The following ASB3 variants were observed in gnomAD, a reference collection of about 807,000 sequenced individuals.
The protein encoded by ASB3 is ankyrin repeat and SOCS box protein 3.
Under a neutral mutation model 54.5 loss-of-function variants are expected in ASB3, and 41 were observed. The observed-to-expected ratio is 0.75, with a 90% CI of 0.59 to 0.98. The LOEUF is 0.98. Among genes scored for constraint, ASB3 ranks in the 50% least tolerant of loss-of-function variants. ASB3 has a pLI of 0.00. For missense variants in ASB3, 733 were observed against 620.0 expected, an observed-to-expected ratio of 1.18 and a Z score of -1.94; for synonymous variants, 266 against 221.2, an observed-to-expected ratio of 1.20 and a Z score of -1.80.
intron 1 of ASB3, among the ~76,000 whole-genome samples, chr2:53,782,966 C>T (rs1286547669): frequency 6.6e-6 from 1 of 151,892 alleles, no homozygotes; most frequent in East Asian, 1.9e-4. Context: ...TTTTTATTTT[C>T]GGAGAGACAG....
At chr2:53,779,998 T>TG (rs1674554874) in intron 1 of ASB3, among the ~76,000 whole-genome samples, 1 of 152,152 alleles carries the variant, frequency 6.6e-6, no homozygotes, top group African/African-American at 2.4e-5. Flanking sequence ...AAAGGTTACA[T>TG]GCTGAAAGAT....
intron 1 of ASB3, chr2:53,773,998 G>A: frequency 7.8e-6 from 7 of 895,128 alleles, no homozygotes; most frequent in Non-Finnish European, 1.2e-5. Context: ...TCGTGCCACT[G>A]CACCACAGCC....
intron 7 of ASB3, among the ~76,000 whole-genome samples, chr2:53,706,188 T>C (rs112991997): frequency 0.011 from 1,702 of 152,350 alleles, 20 homozygotes; most frequent in Non-Finnish European, 0.017. Context: ...ACAGCCATTA[T>C]ACATCTGTGA....
rs140719122 is a variant in ASB3 at position 53,747,958 on chromosome 2, T to C, written c.355+2825A>G. On this transcript the variant is annotated intron_variant, in intron 3 of 9. Coordinates refer to ENST00000263634, the MANE Select transcript of ASB3 (RefSeq NM_016115.5). Reference sequence around the variant, plus strand: ...AAACCTTTTGTCAATAAACATGTTTTTAATAGTTCACTGAATCAGTTTTCT... The same window carrying C: ...AAACCTTTTGTCAATAAACATGTTTCTAATAGTTCACTGAATCAGTTTTCT... 6.2e-4 allele frequency among the ~76,000 whole-genome samples: 95 copies of C among 152,326 alleles called. No homozygotes were observed. The East Asian group carries it at 0.014, about 23-fold the overall frequency.
intron 2 of ASB3, among the ~76,000 whole-genome samples, chr2:53,754,021 G>A (rs1672677560): frequency 6.6e-6 from 1 of 151,986 alleles, no homozygotes; most frequent in Admixed American, 6.6e-5. Flanking sequence ...AGGCTGAGGT[G>A]GGAAACATAC....
chr2:53,679,742 A>T (rs1199526225), intron 9 of ASB3, among the ~76,000 whole-genome samples: 1 of 152,050 alleles, frequency 6.6e-6, no homozygotes, highest in Non-Finnish European at 1.5e-5. Context: ...CATTCACATA[A>T]TTTTTTTAAA....
chr2:53,707,632 G>C (rs1199778647), intron 7 of ASB3, among the ~76,000 whole-genome samples: 2 of 147,930 alleles, frequency 1.4e-5, no homozygotes, highest in African/African-American at 5.0e-5. Context: ...GGGCGACACA[G>C]CGAGACTCCG....
chr2:53,690,236 C>A (rs928079242), intron 9 of ASB3, among the ~76,000 whole-genome samples: 4 of 151,560 alleles, frequency 2.6e-5, no homozygotes, highest in African/African-American at 9.7e-5. Context: ...ACCCTGTCCC[C>A]CCAAATAAAT....
intron 9 of ASB3, among the ~76,000 whole-genome samples, chr2:53,683,096 T>C (rs1668462075): frequency 6.6e-6 from 1 of 152,118 alleles, no homozygotes; most frequent in Admixed American, 6.5e-5. Context: ...CCTTTCACTA[T>C]GATATGAGCT....
intron 7 of ASB3, among the ~76,000 whole-genome samples, chr2:53,711,641 G>A (rs754978285): frequency 8.5e-5 from 13 of 152,082 alleles, no homozygotes; most frequent in Non-Finnish European, 1.5e-4. Flanking sequence ...GAGCATGGTG[G>A]CACATGCCTA....
chr2:53,769,309 G>C (rs1673723612), intron 1 of ASB3, among the ~76,000 whole-genome samples: 1 of 152,214 alleles, frequency 6.6e-6, no homozygotes, highest in South Asian at 2.1e-4. Context: ...CCAGGAGTTT[G>C]AGAGTTGTCA....
chr2:53,712,486 G>C (rs950439916), intron 7 of ASB3, among the ~76,000 whole-genome samples: 7 of 152,152 alleles, frequency 4.6e-5, no homozygotes, highest in African/African-American at 1.7e-4. Flanking sequence ...GGAAAATCCA[G>C]AAACCTATTT....
chr2:53,770,440 A>G (rs1673818657), intron 1 of ASB3, among the ~76,000 whole-genome samples: 1 of 150,648 alleles, frequency 6.6e-6, no homozygotes, highest in Admixed American at 6.6e-5. Context: ...ATTCCCATGA[A>G]TGATGTTAAG....
chr2:53,760,802 T>A (rs1673100958), intron 2 of ASB3, among the ~76,000 whole-genome samples: 1 of 152,186 alleles, frequency 6.6e-6, no homozygotes, highest in African/African-American at 2.4e-5. Flanking sequence ...AGGCCTACAT[T>A]TCAATCCCTG....
chr2:53,698,652 G>A (rs1349022712), intron 8 of ASB3, among the ~76,000 whole-genome samples: 2 of 152,126 alleles, frequency 1.3e-5, no homozygotes, highest in East Asian at 3.9e-4. Flanking sequence ...TTAATAACAA[G>A]GATGGCCTTT....
At chr2:53,728,557 G>C (rs1053997556) in intron 5 of ASB3, among the ~76,000 whole-genome samples, 155 bp downstream of exon 5, 2 of 152,052 alleles carry the variant, frequency 1.3e-5, no homozygotes, top group African/African-American at 4.8e-5. Context: ...TAATAACCAG[G>C]TTTATAAATC....
chr2:53,786,736 C>T, intron 1 of ASB3, 85 bp downstream of exon 1: 1 of 159,828 alleles, frequency 6.3e-6, no homozygotes, highest in Non-Finnish European at 1.4e-5. Flanking sequence ...CGCTATCACT[C>T]CGTGTGGGTC....
At chr2:53,730,388 T>C (rs550284743) in intron 3 of ASB3, among the ~76,000 whole-genome samples, 2 of 152,282 alleles carry the variant, frequency 1.3e-5, no homozygotes, top group South Asian at 2.1e-4. Flanking sequence ...AATAGTAGTA[T>C]TTATAAGAAA....
At chr2:53,780,315 T>C (rs147707318) in intron 1 of ASB3, among the ~76,000 whole-genome samples, 3 of 152,136 alleles carry the variant, frequency 2.0e-5, no homozygotes, top group African/African-American at 7.2e-5. Context: ...CCCTCCTCAT[T>C]CTTTAAGACC....
Sources: gnomAD v4.1 joint callset for allele counts (sites outside exome capture counted in the v4.1 genomes callset) on GRCh38, gnomAD v4.1.1 for gene constraint, MANE v1.5 for transcripts, NCBI Gene and HGNC (gene_info 2026-07-23, HGNC 2026-07-21) for gene names.